HDAC4: variants seen among roughly 807,000 people sequenced by gnomAD.
HDAC4 encodes the protein histone deacetylase 4.
A neutral mutation model predicts 135.1 loss-of-function variants in HDAC4; 16 were observed. That is an observed-to-expected ratio of 0.12 (90% CI 0.08 to 0.18). HDAC4 has a LOEUF of 0.18. Among genes scored for constraint, HDAC4 ranks in the 10% least tolerant of loss-of-function variants. The probability of loss-of-function intolerance (pLI) is 1.00; values close to 1 mark genes in which losing one functional copy is unlikely to be tolerated. For synonymous variants in HDAC4, 685 were observed against 653.4 expected (o/e 1.05, Z -0.74); for missense variants, 1,143 against 1,511.8 (o/e 0.76, Z 4.05).
chr2:239,086,891 G>A (rs182401109), intron 19 of HDAC4, among the ~76,000 whole-genome samples: 8 of 152,306 alleles, frequency 5.3e-5, no homozygotes, highest in Admixed American at 3.3e-4. Context: ...CCTCACTAGA[G>A]CGGCTACCGT....
At position 239,303,047 on chromosome 2, in the gene HDAC4, C is replaced by A. The variant is rs2052362161; in HGVS notation, c.22+49631G>T. The stretch of plus-strand genomic sequence containing the variant: ...GCCACCTCGGGAGTCCTCAAACCCC[C>A]CCCGGGTGGGAGAGGTCATCACCTC... On this transcript the variant is annotated intron_variant, in intron 2 of 26. Transcript: ENST00000543185. The surrounding 1 kb of genome is among the most constrained non-coding windows in gnomAD (Gnocchi z 5.1). Among the ~76,000 whole-genome samples the A allele has an allele frequency of 6.6e-6, 1 of 152,194 alleles. No individual in the cohort carries two copies. Among genetic ancestry groups the A allele is most frequent in the Non-Finnish European group, 1.5e-5 (1 of 68,026 alleles).
intron 24 of HDAC4, among the ~76,000 whole-genome samples, chr2:239,063,966 G>C (rs371168294): frequency 1.3e-5 from 2 of 152,204 alleles, no homozygotes; most frequent in East Asian, 3.9e-4. Context: ...GGCTGCGCAT[G>C]GTCACCGGGG....
chr2:239,377,565 A>C lies in HDAC4; in HGVS notation c.-220+23413T>G, dbSNP rs528690251. 1.2e-3 allele frequency among the ~76,000 whole-genome samples: 188 copies of C among 152,220 alleles called. 1 individual carries two copies. Among genetic ancestry groups the C allele is most frequent in the African/African-American group, 4.4e-3 (184 of 41,526 alleles). Reference sequence around the variant, plus strand: ...GGGAGCACGAGATTCTCCTTCCCCAAAGGGACCTATGATGTATCCTGCCTC... The same window carrying C: ...GGGAGCACGAGATTCTCCTTCCCCACAGGGACCTATGATGTATCCTGCCTC... On this transcript the variant is annotated intron_variant, in intron 1 of 26. Coordinates refer to ENST00000543185, the MANE Select transcript of HDAC4 (RefSeq NM_001378414.1).
chr2:239,185,138 C>A (rs997968381), intron 4 of HDAC4, among the ~76,000 whole-genome samples: 21 of 151,202 alleles, frequency 1.4e-4, no homozygotes, highest in African/African-American at 4.6e-4. Context: ...TCGGTGACTA[C>A]CCTGGAGGCT....
chr2:239,374,473 G>A (rs1034349750), intron 1 of HDAC4, among the ~76,000 whole-genome samples: 4 of 127,352 alleles, frequency 3.1e-5, no homozygotes, highest in African/African-American at 6.1e-5. Context: ...GCGGGATCTC[G>A]GCTCACTGCA....
chr2:239,261,920 T>C (rs1422668925), intron 2 of HDAC4, among the ~76,000 whole-genome samples: 3 of 152,212 alleles, frequency 2.0e-5, no homozygotes, highest in African/African-American at 7.2e-5. Context: ...GAAAAGCCTA[T>C]GTCGGAGGGT....
rs566700317 is a variant in HDAC4 at position 239,285,647 on chromosome 2, T to C, written c.23-48983A>G. Among the ~76,000 whole-genome samples, 1 of 152,334 alleles carries C rather than the reference T, an allele frequency of 6.6e-6. No individual in the cohort carries two copies. Among genetic ancestry groups the C allele is most frequent in the South Asian group, 2.1e-4 (1 of 4,824 alleles). On this transcript the variant is annotated intron_variant, in intron 2 of 26. Transcript: ENST00000543185. This position sits in a 1 kb window ranked among gnomAD's most constrained non-coding sequence, Gnocchi z 4.5. Reference sequence around the variant, plus strand: ...CAAGTCATCTTACAGGCTCTTGTGCTGTGGAAACCCCAGGTTCTGCATAAG... The same window carrying C: ...CAAGTCATCTTACAGGCTCTTGTGCCGTGGAAACCCCAGGTTCTGCATAAG...
intron 1 of HDAC4, among the ~76,000 whole-genome samples, chr2:239,399,137 T>C (rs746669077): frequency 1.3e-5 from 2 of 152,194 alleles, no homozygotes; most frequent in African/African-American, 4.8e-5. Flanking sequence ...GCCCGATCAG[T>C]CTTAAAAATA....
At chr2:239,369,989 T>C (rs1378734097) in intron 1 of HDAC4, among the ~76,000 whole-genome samples, 4 of 152,216 alleles carry the variant, frequency 2.6e-5, no homozygotes, top group Non-Finnish European at 2.9e-5. Context: ...TCCACTTTTC[T>C]TTCTCTTAAA....
chr2:239,351,360 A>G (rs1250090565), intron 2 of HDAC4, among the ~76,000 whole-genome samples: 1 of 152,220 alleles, frequency 6.6e-6, no homozygotes, highest in Non-Finnish European at 1.5e-5. Flanking sequence ...ATTAAAATGG[A>G]CAGAATGTAA....
In HDAC4 at chr2:239,276,477, A is replaced by T. The variant is rs193247954; in HGVS notation, c.23-39813T>A. Among the ~76,000 whole-genome samples, 66 of 152,346 alleles carry T rather than the reference A, an allele frequency of 4.3e-4. No individual in the cohort carries two copies. In the East Asian group the frequency reaches 0.011, roughly 26 times the overall value. ...CAAAGCAGCCCTGACGGACCTCCCAACTAGGCCAGAGATTGCTCCATTGGT... is the reference window on the plus strand; with the variant it reads ...CAAAGCAGCCCTGACGGACCTCCCATCTAGGCCAGAGATTGCTCCATTGGT... On this transcript the variant is annotated intron_variant, in intron 2 of 26. Transcript: ENST00000543185.
chr2:239,201,167 C>G (rs961040453), intron 3 of HDAC4, among the ~76,000 whole-genome samples: 1 of 152,204 alleles, frequency 6.6e-6, no homozygotes, highest in Non-Finnish European at 1.5e-5. Flanking sequence ...TAGTGCACAG[C>G]AAACCAGAAC....
rs1001161930 is a variant in HDAC4, at chr2:239,049,614, T to C, written c.*3483A>G. On this transcript the variant is annotated 3_prime_UTR_variant, in exon 27 of 27. Coordinates refer to ENST00000543185, the MANE Select transcript of HDAC4 (RefSeq NM_001378414.1). ...TCAAAAAGAAAAACAACAAAGTCCA[T>C]TGCTAGTGCTGCAAAAATCAAACTT... is the stretch of plus-strand genomic sequence containing the variant. 1.3e-5 allele frequency: 2 copies of C among 152,692 alleles called. No individual in the cohort carries two copies. Among genetic ancestry groups the C allele is most frequent in the East Asian group, 3.9e-4 (2 of 5,182 alleles). 9.5% of individuals were successfully genotyped at this position (152,692 alleles called of 1,614,324 possible).
In HDAC4 at chr2:239,203,850, G is replaced by C. The variant is rs868734008; in HGVS notation, c.95-13773C>G. Among the ~76,000 whole-genome samples the C allele has an allele frequency of 5.9e-5, 9 of 152,140 alleles. No individual in the cohort carries two copies. In the South Asian group the frequency reaches 1.0e-3, roughly 18 times the overall value. ...CTAAAATGGAATTATCAGCTTCAATGGATTCGAGTAGGACTCAGAAACACT... is the reference window on the plus strand; with the variant it reads ...CTAAAATGGAATTATCAGCTTCAATCGATTCGAGTAGGACTCAGAAACACT... On this transcript the variant is annotated intron_variant, in intron 3 of 26. Transcript: ENST00000543185.
At chr2:239,209,372 G>C (rs894063354) in intron 3 of HDAC4, among the ~76,000 whole-genome samples, 8 of 152,184 alleles carry the variant, frequency 5.3e-5, no homozygotes, top group African/African-American at 1.9e-4. Context: ...AGTTGAGGTG[G>C]TCCCAAAGAG....
At chr2:239,086,472 C>T (rs1481844094) in intron 19 of HDAC4, among the ~76,000 whole-genome samples, 6 of 151,956 alleles carry the variant, frequency 3.9e-5, no homozygotes, top group Non-Finnish European at 5.9e-5. Context: ...CTGTCTCTCA[C>T]GTACAATCTC....
At chr2:239,378,674 CCCCGGGAACCAATGAA>C (rs79475189) in intron 1 of HDAC4, among the ~76,000 whole-genome samples, 13,173 of 151,876 alleles carry the variant, frequency 0.087, 732 homozygotes, top group Non-Finnish European at 0.12. Flanking sequence ...GAACCAATGA[CCCCGGGAACCAATGAA>C]CCCGGGAACC....
At chr2:239,209,954 G>A (rs2046271120) in intron 3 of HDAC4, among the ~76,000 whole-genome samples, 1 of 152,200 alleles carries the variant, frequency 6.6e-6, no homozygotes, top group South Asian at 2.1e-4. Context: ...TACGCCCACC[G>A]ACCCAACTAC....
At chr2:239,165,206 C>T (rs555658656) in intron 5 of HDAC4, among the ~76,000 whole-genome samples, 4 of 151,886 alleles carry the variant, frequency 2.6e-5, no homozygotes, top group South Asian at 2.1e-4. Flanking sequence ...CTGCGCAATG[C>T]GAGTTTAGAC....
Sources: gnomAD v4.1 joint callset for allele counts (sites outside exome capture counted in the v4.1 genomes callset) on GRCh38, gnomAD v4.1.1 for gene constraint, Gnocchi (gnomAD v3.1) non-coding constraint, MANE v1.5 for transcripts, NCBI Gene and HGNC (gene_info 2026-07-23, HGNC 2026-07-21) for gene names.